Variants in CC2D2B observed in about 807,000 individuals in gnomAD.
CC2D2B encodes the protein protein CC2D2B.
In CC2D2B, 128 loss-of-function variants were observed where a neutral mutation model predicts 161.2. The ratio of observed to expected loss-of-function variants is 0.79; its 90% CI spans 0.69 to 0.92. The LOEUF (loss-of-function observed/expected upper bound fraction) is 0.92, where lower values mean the gene tolerates loss of function less well. CC2D2B is among the 40% of genes least tolerant of loss of function. The pLI is 0.00. For synonymous variants in CC2D2B, 391 were observed against 449.8 expected, an observed-to-expected ratio of 0.87 and a Z score of 1.65; for missense variants, 1,173 against 1,375.1, an observed-to-expected ratio of 0.85 and a Z score of 2.32.
chr10:96,009,882 T>G lies in CC2D2B; in HGVS notation c.3004T>G (p.Cys1002Gly), dbSNP rs779167220. Residue 1002 changes from cysteine to glycine, a missense_variant, in exon 26 of 35, where the codon TGC (cysteine) becomes GGC (glycine). Transcript: ENST00000646931. ...HSYIRKNWLG[C>G]IVFPFSALLQ... ...ATATATAAGAAAGAATTGGCTTGGA[T>G]GCATTGTCTTCCCTTTTTCTGCTCT... 6.2e-7 allele frequency: 1 copy of G among 1,610,416 alleles called. No individual in the cohort carries two copies. Among genetic ancestry groups the G allele is most frequent in the Non-Finnish European group, 8.5e-7 (1 of 1,177,482 alleles).
intron 25 of CC2D2B, among the ~76,000 whole-genome samples, chr10:96,006,540 T>C (rs931304761): frequency 2.0e-5 from 3 of 152,096 alleles, no homozygotes; most frequent in Non-Finnish European, 4.4e-5. Context: ...CTTTAGTCCA[T>C]GGTTCATTTA....
intron 25 of CC2D2B, among the ~76,000 whole-genome samples, chr10:96,008,053 TC>T (rs1163681071): frequency 6.6e-6 from 1 of 152,068 alleles, no homozygotes; most frequent in Non-Finnish European, 1.5e-5. Flanking sequence ...CTCAAAAGTA[TC>T]CCCCTGCTCT....
intron 24 of CC2D2B, among the ~76,000 whole-genome samples, chr10:96,002,217 A>G (rs78500337): frequency 0.031 from 4,725 of 152,308 alleles, 117 homozygotes; most frequent in African/African-American, 0.062. Context: ...AGAACAATGT[A>G]GAGCACAACC....
Position 96,025,172 on chromosome 10 carries a change from T to TAAAAAAAA in CC2D2B, c.3947+262_3947+263insAAAAAAAA, listed in dbSNP as rs1564683838. ...AAAAAAAAATATATATATATATATA[T>TAAAAAAAA]ATATATATATATAAAAAAAAATATA... On this transcript the variant is annotated intron_variant, in intron 33 of 34. Transcript: ENST00000646931. Among the ~76,000 whole-genome samples, 9 of 17,618 alleles carry TAAAAAAAA rather than the reference T, an allele frequency of 5.1e-4. 1 individual carries two copies. The East Asian group carries it at 6.1e-3, about 12-fold the overall frequency. The allele number at this position is 17,618 out of a possible 152,430, so 11.6% of individuals were successfully genotyped here. A position where few individuals can be genotyped will look rare whatever the true frequency, so the allele number is the denominator to read the frequency against.
chr10:95,917,746 A>T (rs1429079500), intron 2 of CC2D2B, among the ~76,000 whole-genome samples: 1 of 152,036 alleles, frequency 6.6e-6, no homozygotes, highest in Non-Finnish European at 1.5e-5. Context: ...ATATCTTCTT[A>T]TACTGTCTGT....
In CC2D2B at chr10:96,019,276, A is replaced by G. The variant is rs865999988; in HGVS notation, c.3704A>G (p.Tyr1235Cys). ...LLWNPSTGQC[Y>C]KQFDPFCPLK... Reference sequence around the variant, plus strand: ...TGGAATCCATCAACTGGCCAATGTTATAAGCAGTTTGACCCGTTTTGTCCC... The same window carrying G: ...TGGAATCCATCAACTGGCCAATGTTGTAAGCAGTTTGACCCGTTTTGTCCC... Residue 1235 changes from tyrosine (Y) to cysteine (C), a missense_variant, in exon 31 of 35, where the codon TAT (tyrosine) becomes TGT (cysteine). Physicochemically the swap from Tyr to Cys is radical, Grantham distance 194. Around this residue, in one of 3 missense-constraint regions of CC2D2B, gnomAD observed 598 missense variants for 693.2 expected, o/e 0.86. Coordinates refer to ENST00000646931, the MANE Select transcript of CC2D2B (RefSeq NM_001349008.3). The G allele has an allele frequency of 1.9e-6, 3 of 1,613,434 alleles. No homozygotes were observed.
At chr10:95,921,798 A>C (rs1161044576) in intron 2 of CC2D2B, among the ~76,000 whole-genome samples, 4 of 43,782 alleles carry the variant, frequency 9.1e-5, no homozygotes, top group Non-Finnish European at 1.3e-4. Flanking sequence ...GGCCTGTCAG[A>C]GGGTGGGGGG....
intron 10 of CC2D2B, among the ~76,000 whole-genome samples, chr10:95,951,379 T>C (rs577335751): frequency 1.3e-5 from 2 of 152,214 alleles, no homozygotes; most frequent in South Asian, 2.1e-4. Flanking sequence ...CTTGAACTCC[T>C]GGGCTCAAGC....
intron 22 of CC2D2B, among the ~76,000 whole-genome samples, chr10:95,993,954 A>C (rs60931337): frequency 7.4e-5 from 1 of 13,456 alleles, no homozygotes; most frequent in African/African-American, 3.1e-4. Flanking sequence ...ATGTATGTGT[A>C]TATATATATA....
intron 9 of CC2D2B, among the ~76,000 whole-genome samples, chr10:95,947,890 T>C (rs1376274232): frequency 6.6e-6 from 1 of 152,242 alleles, no homozygotes; most frequent in Non-Finnish European, 1.5e-5. Context: ...GCTCTTCTTA[T>C]GGGAATTGCT....
intron 17 of CC2D2B, among the ~76,000 whole-genome samples, chr10:95,980,744 G>C (rs1394694287): frequency 6.6e-6 from 1 of 152,182 alleles, no homozygotes; most frequent in African/African-American, 2.4e-5. Flanking sequence ...AATCATCAAA[G>C]AAATATGAAC....
At chr10:96,017,761 C>T (rs1198251258) in intron 30 of CC2D2B, among the ~76,000 whole-genome samples, 2 of 113,032 alleles carry the variant, frequency 1.8e-5, no homozygotes, top group Non-Finnish European at 3.5e-5. Context: ...GGAGACCCCA[C>T]CTCTATAAAT....
In CC2D2B at chr10:96,031,920, A is replaced by T; in HGVS notation, c.4226A>T (p.Glu1409Val). 1 of 1,613,774 alleles carries T rather than the reference A, an allele frequency of 6.2e-7. No individual in the cohort carries two copies. The highest frequency in any genetic ancestry group is 8.5e-7 in the Non-Finnish European group (1 of 1,179,736). ...GIHSAEFPQT[E>V]FALAVYIHPY... ...CACTCTGCTGAATTTCCCCAGACAG[A>T]ATTTGCTTTAGCTGTATACATTCAC... is the stretch of plus-strand genomic sequence containing the variant. Residue 1409 changes from glutamate (E) to valine (V), a missense_variant, in exon 35 of 35, where the codon GAA becomes GTA. Coordinates refer to ENST00000646931, the MANE Select transcript of CC2D2B (RefSeq NM_001349008.3).
intron 14 of CC2D2B, 117 bp from the exon 15 acceptor site, chr10:95,968,607 A>G: frequency 2.4e-6 from 1 of 417,090 alleles, no homozygotes; most frequent in Non-Finnish European, 4.1e-6. Flanking sequence ...ATGTAAAGAT[A>G]ACATTTGTCC....
At chr10:96,025,193 ATATAT>A (rs1486721703) in intron 33 of CC2D2B, among the ~76,000 whole-genome samples, 2,154 of 54,648 alleles carry the variant, frequency 0.039, 147 homozygotes, top group African/African-American at 0.099. Flanking sequence ...ATAAAAAAAA[ATATAT>A]ATATATATAT....
intron 22 of CC2D2B, among the ~76,000 whole-genome samples, chr10:95,993,899 AATGTGTGT>A (rs1564649238): frequency 3.6e-5 from 2 of 55,478 alleles, no homozygotes; most frequent in African/African-American, 6.4e-5. Flanking sequence ...AGAGAGAGAG[AATGTGTGT>A]GTGTGTGTGT....
chr10:95,929,613 T>C (rs1347649808), intron 6 of CC2D2B, among the ~76,000 whole-genome samples: 9 of 152,234 alleles, frequency 5.9e-5, no homozygotes, highest in Non-Finnish European at 8.8e-5. Context: ...TTTCGGCATA[T>C]GGCTAACCAG....
rs931745361 is a variant in CC2D2B at position 95,922,044 on chromosome 10, C to A, written c.65C>A (p.Ala22Asp). The A allele has an allele frequency of 6.5e-7, 1 of 1,543,052 alleles. No homozygotes were observed. The highest frequency in any genetic ancestry group is 2.0e-5 in the Admixed American group (1 of 50,646). Residue 22 changes from alanine (A) to aspartate (D), a missense_variant, in exon 3 of 35, where the codon GCT (alanine) becomes GAT (aspartate). By Grantham distance (126) the Ala-to-Asp change is moderately radical (BLOSUM62 -2). Around this residue, in one of 3 missense-constraint regions of CC2D2B, gnomAD observed 298 missense variants for 261.2 expected, o/e 1.14. Transcript: ENST00000646931. ...KMSEEMDNIT[A>D]EEIIDKHLQK... ...TCAGAAGAGATGGATAATATTACAG[C>A]TGAAGAAATTATAGACAAGCATCTC...
chr10:95,932,578 G>A (rs1051716884), intron 6 of CC2D2B, among the ~76,000 whole-genome samples: 4 of 152,078 alleles, frequency 2.6e-5, no homozygotes, highest in Admixed American at 2.6e-4. Flanking sequence ...AGGCCTGGTG[G>A]TAACAAAATC....
Sources: allele counts gnomAD v4.1 joint callset (sites outside exome capture counted in the v4.1 genomes callset), GRCh38; gene constraint gnomAD v4.1.1; regional missense constraint gnomAD v4.1.1; transcripts MANE v1.5; gene names NCBI Gene and HGNC (gene_info 2026-07-23, HGNC 2026-07-21).